RALGPS1: variants seen among roughly 807,000 people sequenced by gnomAD.
The protein encoded by RALGPS1 is ras-specific guanine nucleotide-releasing factor RalGPS1.
Under a neutral mutation model 78.8 loss-of-function variants are expected in RALGPS1, and 19 were observed. The observed-to-expected ratio is 0.24, with a 90% CI of 0.17 to 0.35. The LOEUF is 0.35. Ranked by LOEUF, RALGPS1 falls within the 10% of genes least tolerant of loss-of-function variation. The probability of loss-of-function intolerance (pLI) is 1.00; values close to 1 mark genes in which losing one functional copy is unlikely to be tolerated. For synonymous variants in RALGPS1, 228 were observed against 256.3 expected (o/e 0.89, Z 1.06); for missense variants, 454 against 688.3 (o/e 0.66, Z 3.81).
intron 8 of RALGPS1, among the ~76,000 whole-genome samples, chr9:127,161,333 G>T (rs1391425852): frequency 6.6e-6 from 1 of 152,234 alleles, no homozygotes; most frequent in Non-Finnish European, 1.5e-5. Flanking sequence ...CCAGGCCCTG[G>T]ACTGGGAGAC....
rs544080560 is a variant in RALGPS1, at chr9:127,130,117, T to C, written c.611-35952T>C. 9.2e-5 allele frequency among the ~76,000 whole-genome samples: 14 copies of C among 152,306 alleles called. No homozygotes were observed. The East Asian group carries it at 1.9e-3, about 21-fold the overall frequency. ...ACCATAGGTGACTTGGTCGAGTCGATAGGAGTCAGCTAGGCTTGGGTTTGA... is the reference window on the plus strand; with the variant it reads ...ACCATAGGTGACTTGGTCGAGTCGACAGGAGTCAGCTAGGCTTGGGTTTGA... On this transcript the variant is annotated intron_variant, in intron 8 of 18. Coordinates refer to ENST00000259351, the MANE Select transcript of RALGPS1 (RefSeq NM_014636.3).
At chr9:127,064,242 A>G (rs2049480120) in intron 7 of RALGPS1, among the ~76,000 whole-genome samples, 1 of 152,170 alleles carries the variant, frequency 6.6e-6, no homozygotes, top group Non-Finnish European at 1.5e-5. Flanking sequence ...TAAGCAGACA[A>G]TTTACTTTCT....
chr9:126,964,544 C>A lies in RALGPS1; in HGVS notation c.58-1300C>A, dbSNP rs968116152. The stretch of plus-strand genomic sequence containing the variant: ...CATTTTACAGATGATAACTGAGACT[C>A]AGTAAAACGAAGTTATTCGTCTGAG... On this transcript the variant is annotated intron_variant, in intron 2 of 18. Transcript: ENST00000259351. 3.9e-5 allele frequency among the ~76,000 whole-genome samples: 6 copies of A among 152,118 alleles called. No homozygotes were observed. In the East Asian group the frequency reaches 1.2e-3, roughly 29 times the overall value.
rs1344102464 is a variant in RALGPS1, at chr9:127,050,039, A to G, written c.301-4A>G. Reference sequence around the variant, plus strand: ...TGTGTATGTGTGTGTATTTGACTCTACAGGTCAGTTTTTGGGTTGTACGAG... The same window carrying G: ...TGTGTATGTGTGTGTATTTGACTCTGCAGGTCAGTTTTTGGGTTGTACGAG... On this transcript the variant is annotated splice_region_variant and splice_polypyrimidine_tract_variant and intron_variant, in intron 5 of 18. Coordinates refer to ENST00000259351, the MANE Select transcript of RALGPS1 (RefSeq NM_014636.3). 2.5e-5 allele frequency: 41 copies of G among 1,608,722 alleles called. No individual in the cohort carries two copies. The highest frequency in any genetic ancestry group is 3.4e-5 in the Non-Finnish European group (40 of 1,175,188).
At chr9:126,970,075 A>G (rs2039958146) in intron 3 of RALGPS1, among the ~76,000 whole-genome samples, 1 of 152,128 alleles carries the variant, frequency 6.6e-6, no homozygotes, top group Admixed American at 6.5e-5. Flanking sequence ...TATTTGAGTG[A>G]TTCTGGGAAG....
In RALGPS1 at chr9:127,091,375, CT is replaced by C. The variant is rs1489113984; in HGVS notation, c.610+22022del. On this transcript the variant is annotated intron_variant, in intron 8 of 18. Transcript: ENST00000259351. The surrounding 1 kb of genome is among the most constrained non-coding windows in gnomAD (Gnocchi z 4.3). ...GGTGAGGCCACAGCCCAACACATGT[CT>C]TTCTGCATTGGCCCCAGCTGGCCCT... Among the ~76,000 whole-genome samples the C allele has an allele frequency of 6.6e-6, 1 of 152,232 alleles. No individual in the cohort carries two copies. Among genetic ancestry groups the C allele is most frequent in the Non-Finnish European group, 1.5e-5 (1 of 68,048 alleles).
Position 127,091,324 on chromosome 9 carries a change from CTATA to C in RALGPS1, c.610+21969_610+21972del, listed in dbSNP as rs1326533020. Among the ~76,000 whole-genome samples, 1 of 152,250 alleles carries C rather than the reference CTATA, an allele frequency of 6.6e-6. No individual in the cohort carries two copies. Among genetic ancestry groups the C allele is most frequent in the Non-Finnish European group, 1.5e-5 (1 of 68,046 alleles). ...CCAGAGCCTACGCAGTTGGTTAGCT[CTATA>C]CCAGGTGCCTGGGACAGAAGTGGTG... On this transcript the variant is annotated intron_variant, in intron 8 of 18. Transcript: ENST00000259351. The surrounding 1 kb of genome is among the most constrained non-coding windows in gnomAD (Gnocchi z 4.3).
intron 11 of RALGPS1, among the ~76,000 whole-genome samples, chr9:127,180,594 C>T (rs890358706): frequency 4.2e-4 from 64 of 152,238 alleles, no homozygotes; most frequent in Non-Finnish European, 4.4e-5. Flanking sequence ...CAGCCCCTGG[C>T]ATACACTTAC....
chr9:127,031,993 G>C (rs2046468496), intron 4 of RALGPS1, among the ~76,000 whole-genome samples: 1 of 152,224 alleles, frequency 6.6e-6, no homozygotes, highest in Non-Finnish European at 1.5e-5. Flanking sequence ...ACAGTAAAGA[G>C]AGAATGGTGT....
At chr9:127,071,050 T>TAC (rs77253961) in intron 8 of RALGPS1, among the ~76,000 whole-genome samples, 389 of 151,008 alleles carry the variant, frequency 2.6e-3, no homozygotes, top group African/African-American at 8.8e-3. Context: ...TATATATATA[T>TAC]ACACTAAATA....
chr9:126,990,294 C>A, intron 4 of RALGPS1: 1 of 317,466 alleles, frequency 3.1e-6, no homozygotes. Flanking sequence ...GCCATCCCTC[C>A]CCTGAATGAT....
At chr9:127,165,193 G>A (rs1049180857) in intron 8 of RALGPS1, among the ~76,000 whole-genome samples, 2 of 152,248 alleles carry the variant, frequency 1.3e-5, no homozygotes, top group Non-Finnish European at 2.9e-5. Flanking sequence ...AACTCTGCCA[G>A]TGTGGTGGGC....
intron 4 of RALGPS1, among the ~76,000 whole-genome samples, chr9:126,980,659 G>T (rs1219136657): frequency 6.6e-6 from 1 of 152,166 alleles, no homozygotes; most frequent in African/African-American, 2.4e-5. Context: ...ATTTTCTAAA[G>T]ATTTTTTCTT....
At position 126,936,849 on chromosome 9, in the gene RALGPS1, C is replaced by CT. The variant is rs35671235; in HGVS notation, c.-66+21890dup. ...GGAGTGCAGGGAACAGGAACGGCAC[C>CT]TTTTTTTTTTTTTTTTGAGACATAG... On this transcript the variant is annotated intron_variant, in intron 1 of 18. Transcript: ENST00000259351. Among the ~76,000 whole-genome samples, 452 of 142,524 alleles carry CT rather than the reference C, an allele frequency of 3.2e-3. 2 individuals are homozygous for CT. The highest frequency in any genetic ancestry group is 7.0e-3 in the African/African-American group (269 of 38,608). The allele number at this position is 142,524 out of a possible 152,430, so 93.5% of individuals were successfully genotyped here. A position where few individuals can be genotyped will look rare whatever the true frequency, so the allele number is the denominator to read the frequency against.
chr9:127,143,751 A>G (rs2057927678), intron 8 of RALGPS1, among the ~76,000 whole-genome samples: 1 of 152,252 alleles, frequency 6.6e-6, no homozygotes, highest in South Asian at 2.1e-4. Flanking sequence ...ATCAGAGTTA[A>G]CGTTAAGTCA....
chr9:127,130,697 C>G (rs141872792), intron 8 of RALGPS1, among the ~76,000 whole-genome samples: 15 of 152,330 alleles, frequency 9.8e-5, no homozygotes, highest in African/African-American at 3.6e-4. Context: ...TTGATCCTTG[C>G]AACAACCTTA....
chr9:127,207,618 A>G (rs2062005103), intron 14 of RALGPS1, among the ~76,000 whole-genome samples: 1 of 152,242 alleles, frequency 6.6e-6, no homozygotes, highest in South Asian at 2.1e-4. Flanking sequence ...CAAAGCAGGG[A>G]CATTTCCAGA....
Position 127,222,286 on chromosome 9 carries a change from A to G in RALGPS1, c.*3517A>G, listed in dbSNP as rs903964768. On this transcript the variant is annotated 3_prime_UTR_variant, in exon 19 of 19. Transcript: ENST00000259351. ...CCTCTAGAAAGGCATCAAAAGGCTC[A>G]ACAGACTGAATGGCCTCTTGGTCTG... The G allele has an allele frequency of 1.3e-5, 2 of 152,262 alleles. No homozygotes were observed. Among genetic ancestry groups the G allele is most frequent in the African/African-American group, 4.8e-5 (2 of 41,452 alleles). 9.4% of individuals were successfully genotyped at this position (152,262 alleles called of 1,614,324 possible).
At position 127,091,606 on chromosome 9, in the gene RALGPS1, G is replaced by A; in HGVS notation, c.610+22250G>A. The stretch of plus-strand genomic sequence containing the variant: ...CCCGTTTCCAAGCCCTGGAGTCAGG[G>A]GCTCTGGCTCTGGTTGACCTCTTTT... On this transcript the variant is annotated intron_variant, in intron 8 of 18. Coordinates refer to ENST00000259351, the MANE Select transcript of RALGPS1 (RefSeq NM_014636.3). This position sits in a 1 kb window ranked among gnomAD's most constrained non-coding sequence, Gnocchi z 4.3. The A allele has an allele frequency of 1.9e-6, 3 of 1,561,596 alleles. No homozygotes were observed. Among genetic ancestry groups the A allele is most frequent in the Non-Finnish European group, 2.6e-6 (3 of 1,153,202 alleles).
Sources: gnomAD v4.1 joint callset for allele counts (sites outside exome capture counted in the v4.1 genomes callset) on GRCh38, gnomAD v4.1.1 for gene constraint, Gnocchi (gnomAD v3.1) non-coding constraint, MANE v1.5 for transcripts, NCBI Gene and HGNC (gene_info 2026-07-23, HGNC 2026-07-21) for gene names.